LRRC37A2: variants seen among roughly 807,000 people sequenced by gnomAD.
The protein encoded by LRRC37A2 is leucine rich repeat containing 37 member A2.
A neutral mutation model predicts 68.8 loss-of-function variants in LRRC37A2; 9 were observed. That is an observed-to-expected ratio of 0.13 (90% CI 0.08 to 0.23). The LOEUF is 0.23. LRRC37A2 is among the 10% of genes least tolerant of loss of function. The pLI, the probability that LRRC37A2 is intolerant of heterozygous loss-of-function variation, is 1.00. For synonymous variants in LRRC37A2, 63 were observed against 367.6 expected, an observed-to-expected ratio of 0.17 and a Z score of 9.48; for missense variants, 168 against 950.4, an observed-to-expected ratio of 0.18 and a Z score of 10.82.
chr17:46,934,488 C>T, the LRRC37A2 span, among the ~76,000 whole-genome samples: 4 of 152,270 alleles, frequency 2.6e-5, no homozygotes, highest in Admixed American at 2.6e-4. Flanking sequence ...CGCCACTGCA[C>T]TCCACCCTGG....
the LRRC37A2 span, among the ~76,000 whole-genome samples, chr17:46,950,637 C>T: frequency 4.6e-5 from 7 of 152,252 alleles, no homozygotes; most frequent in African/African-American, 1.2e-4. Context: ...GAGATGACCC[C>T]GAGCAGCAAG....
At chr17:46,774,052 C>A in the LRRC37A2 span, 1 of 1,243,034 alleles carries the variant, frequency 8.0e-7, no homozygotes. Flanking sequence ...TACCTTTGAC[C>A]TCGGGAGCAT....
chr17:46,946,282 C>CAAAAAAA, the LRRC37A2 span, among the ~76,000 whole-genome samples: 1 of 126,686 alleles, frequency 7.9e-6, no homozygotes, highest in African/African-American at 3.2e-5. Flanking sequence ...CTAAAAATAC[C>CAAAAAAA]AAAAAAAAAA....
the LRRC37A2 span, among the ~76,000 whole-genome samples, chr17:46,506,118 T>TA: frequency 2.4e-4 from 36 of 147,598 alleles, no homozygotes; most frequent in Middle Eastern, 3.5e-3. Context: ...GCCTTTTTTT[T>TA]ACTCGTAGAA....
chr17:46,962,912 T>G, the LRRC37A2 span, among the ~76,000 whole-genome samples: 2 of 152,252 alleles, frequency 1.3e-5, no homozygotes, highest in Non-Finnish European at 2.9e-5. Flanking sequence ...AACTCATCAT[T>G]TTCATCAATG....
At chr17:47,000,010 A>AAAT in the LRRC37A2 span, among the ~76,000 whole-genome samples, 1 of 17,388 alleles carries the variant, frequency 5.8e-5, no homozygotes. Flanking sequence ...AAATAAAATA[A>AAAT]AATAAAATAA....
chr17:46,734,083 C>A, the LRRC37A2 span, among the ~76,000 whole-genome samples: 1 of 152,174 alleles, frequency 6.6e-6, no homozygotes, highest in Admixed American at 6.5e-5. Flanking sequence ...GTAGTCCTTA[C>A]ATGACATCTT....
the LRRC37A2 span, chr17:46,874,892 A>G: frequency 1.3e-6 from 1 of 755,886 alleles, no homozygotes; most frequent in Non-Finnish European, 2.3e-6. Flanking sequence ...AGTTCCATTT[A>G]AATGGCAACT....
chr17:46,899,274 T>C, the LRRC37A2 span, among the ~76,000 whole-genome samples: 3 of 151,984 alleles, frequency 2.0e-5, no homozygotes, highest in Admixed American at 6.6e-5. Flanking sequence ...TATGGTGTCA[T>C]GTGCCTGTGG....
intron 8 of LRRC37A2, among the ~76,000 whole-genome samples, chr17:46,541,800 G>A (rs2055372543): frequency 6.6e-6 from 1 of 151,044 alleles, no homozygotes; most frequent in Non-Finnish European, 1.5e-5. Flanking sequence ...ACCTGAGGCT[G>A]TATACAAACA....
At chr17:46,818,735 C>G in the LRRC37A2 span, 1 of 867,550 alleles carries the variant, frequency 1.2e-6, no homozygotes, top group South Asian at 1.5e-5. Context: ...CCGCAGCCGC[C>G]CCCCTCCCGA....
chr17:46,978,961 C>T, the LRRC37A2 span: 1 of 1,452,472 alleles, frequency 6.9e-7, no homozygotes, highest in South Asian at 1.3e-5. Context: ...GCCGCCCACG[C>T]CGTCCACCTC....
the LRRC37A2 span, among the ~76,000 whole-genome samples, chr17:47,000,080 ATAAAATAAAAT>A: frequency 1.1e-3 from 10 of 8,954 alleles, 2 homozygotes; most frequent in African/African-American, 2.4e-3. Flanking sequence ...AAAATAAAAA[ATAAAATAAAAT>A]AAAATAAAAT....
At chr17:46,555,894 TG>T (rs1271648079), downstream of LRRC37A2, 1 of 120,316 alleles carries the variant, frequency 8.3e-6, no homozygotes. Flanking sequence ...GCTCCTAGAC[TG>T]GGGGGAGGGC....
chr17:46,964,438 G>C, the LRRC37A2 span: 1 of 152,320 alleles, frequency 6.6e-6, no homozygotes, highest in South Asian at 2.1e-4. Flanking sequence ...GCCGGGACCT[G>C]CTGGAGAACA....
At chr17:46,817,303 T>C in the LRRC37A2 span, among the ~76,000 whole-genome samples, 1 of 152,158 alleles carries the variant, frequency 6.6e-6, no homozygotes, top group Non-Finnish European at 1.5e-5. Context: ...TGGCACTTCT[T>C]TCTGACTTTC....
chr17:46,839,253 T>C, the LRRC37A2 span, among the ~76,000 whole-genome samples: 1 of 152,262 alleles, frequency 6.6e-6, no homozygotes, highest in Non-Finnish European at 1.5e-5. Context: ...TTCTATTAGC[T>C]CTGAACTCAT....
At chr17:46,785,750 T>C in the LRRC37A2 span, among the ~76,000 whole-genome samples, 1 of 151,966 alleles carries the variant, frequency 6.6e-6, no homozygotes, top group Non-Finnish European at 1.5e-5. Context: ...GCCAAGGGTT[T>C]GGCCACAGAC....
At chr17:46,833,233 T>TGGGCCTG in the LRRC37A2 span, 1 of 419,816 alleles carries the variant, frequency 2.4e-6, no homozygotes, top group Non-Finnish European at 4.8e-6. Flanking sequence ...GCGTGGAAGC[T>TGGGCCTG]GGGCCTGAGC....
Sources: gnomAD v4.1 joint callset for allele counts (sites outside exome capture counted in the v4.1 genomes callset) on GRCh38, gnomAD v4.1.1 for gene constraint, MANE v1.5 for transcripts, NCBI Gene and HGNC (gene_info 2026-07-23, HGNC 2026-07-21) for gene names.